SH3D19: variants seen among roughly 807,000 people sequenced by gnomAD.
The protein encoded by SH3D19 is SH3 domain containing 19, also known as SH3 domain-containing protein 19.
In SH3D19, 58 loss-of-function variants were observed where a neutral mutation model predicts 112.1. The observed-to-expected ratio is 0.52, with a 90% CI of 0.42 to 0.64. The LOEUF is 0.64. Among genes scored for constraint, SH3D19 ranks in the 30% least tolerant of loss-of-function variants. The probability of loss-of-function intolerance (pLI) is 0.00; values close to 1 mark genes in which losing one functional copy is unlikely to be tolerated. For missense variants in SH3D19, 1,090 were observed against 1,263.4 expected, an observed-to-expected ratio of 0.86 and a Z score of 2.08; for synonymous variants, 391 against 448.5, an observed-to-expected ratio of 0.87 and a Z score of 1.62.
chr4:151,308,311 C>T (rs1446712420), intron 1 of SH3D19, among the ~76,000 whole-genome samples: 1 of 152,216 alleles, frequency 6.6e-6, no homozygotes, highest in Non-Finnish European at 1.5e-5. Context: ...CAAAGTAAGC[C>T]TCTTCCCTCA....
At chr4:151,211,577 T>TAAA (rs36073560) in intron 2 of SH3D19, among the ~76,000 whole-genome samples, 19 of 141,788 alleles carry the variant, frequency 1.3e-4, no homozygotes, top group African/African-American at 3.5e-4. Flanking sequence ...ATCTGTTAAT[T>TAAA]AAAAAAAAAA....
intron 3 of SH3D19, 86 bp downstream of exon 3, chr4:151,187,337 G>A (rs569746890): frequency 3.4e-5 from 28 of 835,612 alleles, no homozygotes; most frequent in African/African-American, 6.9e-5. Context: ...TTGTAGATTC[G>A]TCAAATACAA....
chr4:151,133,941 C>T (rs1751287080), intron 15 of SH3D19, among the ~76,000 whole-genome samples: 1 of 152,126 alleles, frequency 6.6e-6, no homozygotes, highest in Admixed American at 6.5e-5. Context: ...TGCTTTAATA[C>T]TAATCCCTAG....
chr4:151,295,837 A>G (rs1003819557), intron 1 of SH3D19, among the ~76,000 whole-genome samples: 41 of 152,160 alleles, frequency 2.7e-4, no homozygotes, highest in Non-Finnish European at 4.4e-5. Context: ...GGAGATCAAG[A>G]CCATCCTGGC....
rs139493171 is a variant in SH3D19, at chr4:151,149,551, T to A, written c.1766A>T (p.His589Leu). Residue 589 changes from histidine (H) to leucine (L), a missense_variant, in exon 10 of 20, where the codon CAC (histidine) becomes CTC (leucine). Physicochemically the swap from His to Leu is moderately conservative, Grantham distance 99. Transcript: ENST00000604030. ...CACAAAACCTCCTGTTTGACCTGGG[T>A]GGTTGGATTCCTGCAAGTAGCAGAG... The part of the protein sequence containing the change: ...VERTRNLESN[H>L]PGQTGGFVRV... 6.1e-5 allele frequency: 99 copies of A among 1,611,206 alleles called. 1 individual carries two copies. In the African/African-American group the frequency reaches 1.3e-3, roughly 20 times the overall value.
intron 1 of SH3D19, among the ~76,000 whole-genome samples, chr4:151,241,597 G>A (rs1054901036): frequency 1.4e-5 from 2 of 143,982 alleles, no homozygotes; most frequent in Admixed American, 1.3e-4. Context: ...CAGGGACTAT[G>A]TTGCCCAGGC....
At chr4:151,270,863 A>G (rs554758212) in intron 1 of SH3D19, among the ~76,000 whole-genome samples, 1 of 152,196 alleles carries the variant, frequency 6.6e-6, no homozygotes, top group Non-Finnish European at 1.5e-5. Context: ...CTAAAACTAG[A>G]CTGGACCTTT....
chr4:151,168,923 A>G (rs941796481), intron 7 of SH3D19, among the ~76,000 whole-genome samples: 1 of 151,660 alleles, frequency 6.6e-6, no homozygotes, highest in African/African-American at 2.4e-5. Flanking sequence ...CTCACATTTC[A>G]CAAGTGAGGG....
chr4:151,301,289 G>A (rs762561764), intron 1 of SH3D19, among the ~76,000 whole-genome samples: 4 of 152,194 alleles, frequency 2.6e-5, no homozygotes, highest in Non-Finnish European at 4.4e-5. Flanking sequence ...GCGCAATGGC[G>A]CAATCTCGGC....
At position 151,325,357 on chromosome 4, in the gene SH3D19, G is replaced by T. The variant is rs1191164281; in HGVS notation, c.-5C>A. The T allele has an allele frequency of 3.3e-6, 4 of 1,204,554 alleles. No homozygotes were observed. Among genetic ancestry groups the T allele is most frequent in the Non-Finnish European group, 4.1e-6 (4 of 969,364 alleles). 74.6% of individuals were successfully genotyped at this position (1,204,554 alleles called of 1,614,324 possible). A position where few individuals can be genotyped will look rare whatever the true frequency, so the allele number is the denominator to read the frequency against. On this transcript the variant is annotated 5_prime_UTR_variant, in exon 1 of 20. Transcript: ENST00000604030. ...CCGCCGCCGGCCCTCAGCCATGGGC[G>T]AGGCGCGGGGCGCAGCCGCGGGATG...
In SH3D19 at chr4:151,149,525, G is replaced by A. The variant is rs1362796776; in HGVS notation, c.1792C>T (p.Arg598Ter). 3 of 1,610,162 alleles carry A rather than the reference G, an allele frequency of 1.9e-6. No individual in the cohort carries two copies. The highest frequency in any genetic ancestry group is 1.1e-5 in the South Asian group (1 of 90,278). ...CTCGGTGGCAACCTTGGGGGTACTC[G>A]CACAAAACCTCCTGTTTGACCTGGG... The part of the protein sequence containing the change: ...NHPGQTGGFV[R>*]VPPRLPPRPV... Residue 598 changes from arginine (R) to a stop codon, truncating the protein, a stop_gained, in exon 10 of 20, where the codon CGA becomes TGA. Coordinates refer to ENST00000604030, the MANE Select transcript of SH3D19 (RefSeq NM_001378122.1). LOFTEE classifies it high-confidence loss of function.
intron 19 of SH3D19, among the ~76,000 whole-genome samples, chr4:151,124,114 TTTTTTTTTTTAGATGGAGTTTTGCTC>T (rs1384681587): frequency 2.0e-5 from 3 of 150,062 alleles, no homozygotes; most frequent in East Asian, 3.9e-4. Flanking sequence ...CTAGGACTAT[TTTTTTTTTTTAGATGGAGTTTTGCTC>T]TTGTTGCCCC....
intron 12 of SH3D19, chr4:151,140,555 G>A (rs951038630): frequency 3.3e-5 from 5 of 152,212 alleles, no homozygotes; most frequent in Non-Finnish European, 1.5e-5. Context: ...CAAAGCTGAA[G>A]AGCGACCTCT....
At chr4:151,245,825 T>C (rs1770906097) in intron 1 of SH3D19, among the ~76,000 whole-genome samples, 1 of 152,172 alleles carries the variant, frequency 6.6e-6, no homozygotes. Context: ...TGTCTCGAAC[T>C]CCTTGACCTC....
intron 1 of SH3D19, among the ~76,000 whole-genome samples, chr4:151,233,944 AT>A (rs1291539331): frequency 1.3e-5 from 2 of 152,202 alleles, no homozygotes; most frequent in Non-Finnish European, 2.9e-5. Context: ...TAATGGTACT[AT>A]CCAATGCCCT....
At chr4:151,316,739 A>G (rs938795071) in intron 1 of SH3D19, among the ~76,000 whole-genome samples, 1 of 151,854 alleles carries the variant, frequency 6.6e-6, no homozygotes, top group Non-Finnish European at 1.5e-5. Context: ...CATCCCCACC[A>G]CAAGGACAAG....
intron 1 of SH3D19, among the ~76,000 whole-genome samples, chr4:151,237,560 T>G (rs1371731257): frequency 1.3e-5 from 2 of 152,164 alleles, no homozygotes; most frequent in Admixed American, 6.5e-5. Flanking sequence ...ACTTATTACC[T>G]GAAGGACCAC....
chr4:151,303,898 A>C (rs1044802778), intron 1 of SH3D19, among the ~76,000 whole-genome samples: 2 of 151,948 alleles, frequency 1.3e-5, no homozygotes, highest in South Asian at 2.1e-4. Flanking sequence ...ATGTAGAAAA[A>C]CTTAAAAATG....
In SH3D19 at chr4:151,279,999, G is replaced by A. The variant is rs777468377; in HGVS notation, c.112+45242C>T. 11 of 1,286,016 alleles carry A rather than the reference G, an allele frequency of 8.6e-6. No homozygotes were observed. In the South Asian group the frequency reaches 1.7e-4, roughly 20 times the overall value. The allele number at this position is 1,286,016 out of a possible 1,614,324, so 79.7% of individuals were successfully genotyped here. On this transcript the variant is annotated intron_variant, in intron 1 of 19. Transcript: ENST00000604030. Reference sequence around the variant, plus strand: ...CAGCTAACACACAGACAGGTTCTCAGTGAATATTTGCATCACTTCATGAAT... The same window carrying A: ...CAGCTAACACACAGACAGGTTCTCAATGAATATTTGCATCACTTCATGAAT...
Sources: gnomAD v4.1 joint callset for allele counts (sites outside exome capture counted in the v4.1 genomes callset) on GRCh38, gnomAD v4.1.1 for gene constraint, MANE v1.5 for transcripts, NCBI Gene and HGNC (gene_info 2026-07-23, HGNC 2026-07-21) for gene names.